The following DAB1 variants were observed in gnomAD, a reference collection of about 807,000 sequenced individuals.
DAB1 encodes DAB adaptor protein 1.
DAB1 carries 15 observed loss-of-function variants against 64.6 expected under a neutral mutation model. The ratio of observed to expected loss-of-function variants is 0.23; its 90% confidence interval spans 0.16 to 0.36. DAB1 has a LOEUF of 0.36. Among genes scored for constraint, DAB1 ranks in the 10% least tolerant of loss-of-function variants. The pLI is 1.00. For synonymous variants in DAB1, 235 were observed against 251.9 expected, an observed-to-expected ratio of 0.93 and a Z score of 0.64; for missense variants, 596 against 706.7, an observed-to-expected ratio of 0.84 and a Z score of 1.78.
At chr1:57,488,401 CAAAAAAA>C (rs11455708) in intron 7 of DAB1, among the ~76,000 whole-genome samples, 2 of 74,128 alleles carry the variant, frequency 2.7e-5, no homozygotes, top group Admixed American at 1.6e-4. Flanking sequence ...GATTCCGTCT[CAAAAAAA>C]AAAAAAAAAA....
intron 5 of DAB1, among the ~76,000 whole-genome samples, chr1:57,963,985 T>C (rs1645591120): frequency 6.6e-6 from 1 of 152,178 alleles, no homozygotes. Flanking sequence ...CCATTTGCCT[T>C]TCATTAGAAA....
intron 7 of DAB1, among the ~76,000 whole-genome samples, chr1:57,447,426 C>G (rs12140020): frequency 0.028 from 4,314 of 152,266 alleles, 70 homozygotes; most frequent in South Asian, 0.057. Context: ...TCTCTCTGGG[C>G]AGCTGTGTGG....
At chr1:57,450,752 T>G (rs975788882) in intron 7 of DAB1, among the ~76,000 whole-genome samples, 7 of 152,250 alleles carry the variant, frequency 4.6e-5, no homozygotes, top group African/African-American at 1.7e-4. Context: ...TCAAATGTGC[T>G]AATTTCACTC....
intron 5 of DAB1, among the ~76,000 whole-genome samples, chr1:57,911,040 C>A (rs924789856): frequency 1.3e-5 from 2 of 152,172 alleles, no homozygotes; most frequent in African/African-American, 4.8e-5. Flanking sequence ...ATCATTCATC[C>A]ACCTGTCATC....
In DAB1 at chr1:57,062,976, C is replaced by T. The variant is rs777052990; in HGVS notation, c.664-33G>A. ...AAAATTAAATTCAGCACAGTCAAAA[C>T]ACTCTGGTACTCCAATTTCAAAGAA... On this transcript the variant is annotated intron_variant, in intron 8 of 14. Transcript: ENST00000371236. 5 of 1,582,058 alleles carry T rather than the reference C, an allele frequency of 3.2e-6. No homozygotes were observed. The East Asian group carries it at 8.9e-5, about 28-fold the overall frequency.
intron 6 of DAB1, among the ~76,000 whole-genome samples, chr1:57,750,071 G>A (rs866827218): frequency 6.6e-6 from 1 of 152,166 alleles, no homozygotes; most frequent in Non-Finnish European, 1.5e-5. Context: ...AGCAAGCCCT[G>A]TGCTGCCTAC....
At chr1:58,208,749 G>C (rs926197885) in intron 4 of DAB1, among the ~76,000 whole-genome samples, 11 of 152,144 alleles carry the variant, frequency 7.2e-5, no homozygotes, top group African/African-American at 2.7e-4. Flanking sequence ...TGCTACAAAC[G>C]TGCATGTGCA....
intron 7 of DAB1, among the ~76,000 whole-genome samples, chr1:57,597,708 C>G (rs951301107): frequency 6.6e-6 from 1 of 152,240 alleles, no homozygotes; most frequent in African/African-American, 2.4e-5. Context: ...TGGGTCCTCA[C>G]AGCTAATTTT....
In DAB1 at chr1:57,947,023, T is replaced by C. The variant is rs11810081; in HGVS notation, n.388-62861A>G. Among the ~76,000 whole-genome samples, 90 of 152,314 alleles carry C rather than the reference T, an allele frequency of 5.9e-4. 1 individual carries two copies. The highest frequency in any genetic ancestry group is 3.4e-3 in the Middle Eastern group (1 of 294). On this transcript the variant is annotated intron_variant and non_coding_transcript_variant, in intron 5 of 20. Coordinates refer to the DAB1 transcript ENST00000485760. ...AGTCATAGTCTTAGTATCATGGCAA[T>C]GCTGATTACTGAGCACCTTCCATGT...
intron 2 of DAB1, among the ~76,000 whole-genome samples, chr1:58,508,886 TC>T (rs1646030453): frequency 6.7e-6 from 1 of 149,686 alleles, no homozygotes; most frequent in Non-Finnish European, 1.5e-5. Context: ...TTCTAACATT[TC>T]TGAGGGCTGT....
intron 1 of DAB1, among the ~76,000 whole-genome samples, chr1:57,406,822 T>G (rs1027079144): frequency 6.6e-6 from 1 of 152,078 alleles, no homozygotes; most frequent in African/African-American, 2.4e-5. Context: ...CTTCACACCC[T>G]CCCAATTTAA....
intron 5 of DAB1, among the ~76,000 whole-genome samples, chr1:57,926,246 C>T (rs1644877750): frequency 1.3e-5 from 2 of 149,506 alleles, no homozygotes; most frequent in African/African-American, 4.9e-5. Flanking sequence ...TGGATTGTTT[C>T]CTGACGTCCA....
At chr1:57,089,466 G>A (rs549977025) in intron 4 of DAB1, among the ~76,000 whole-genome samples, 96 of 152,138 alleles carry the variant, frequency 6.3e-4, no homozygotes, top group African/African-American at 2.3e-3. Flanking sequence ...ACCCCTTATT[G>A]CAAAACAAAA....
intron 6 of DAB1, among the ~76,000 whole-genome samples, chr1:57,757,929 G>T (rs886287156): frequency 1.3e-5 from 2 of 152,002 alleles, no homozygotes; most frequent in Non-Finnish European, 2.9e-5. Context: ...CGATCCTTCT[G>T]CCTCAGCCTC....
intron 9 of DAB1, among the ~76,000 whole-genome samples, chr1:57,053,685 T>A (rs1649433600): frequency 1.1e-5 from 1 of 89,420 alleles, no homozygotes; most frequent in Non-Finnish European, 2.5e-5. Context: ...TATATATATA[T>A]ATATTTTTTT....
intron 2 of DAB1, among the ~76,000 whole-genome samples, chr1:57,167,315 T>C (rs1661291643): frequency 6.6e-6 from 1 of 152,180 alleles, no homozygotes; most frequent in Non-Finnish European, 1.5e-5. Context: ...TTTACTCCAA[T>C]AGTTCTTTCT....
At chr1:57,901,150 A>G (rs903505663) in intron 5 of DAB1, among the ~76,000 whole-genome samples, 1 of 152,170 alleles carries the variant, frequency 6.6e-6, no homozygotes, top group African/African-American at 2.4e-5. Flanking sequence ...AGTTGCAGCA[A>G]GTCTGTCCAG....
intron 5 of DAB1, among the ~76,000 whole-genome samples, chr1:57,917,636 T>G (rs577833124): frequency 1.2e-4 from 19 of 152,316 alleles, no homozygotes; most frequent in African/African-American, 4.3e-4. Context: ...TGTAGTTTCT[T>G]TTATGAAGAG....
chr1:57,174,969 A>G (rs1662144607), intron 2 of DAB1, among the ~76,000 whole-genome samples: 1 of 152,210 alleles, frequency 6.6e-6, no homozygotes, highest in African/African-American at 2.4e-5. Flanking sequence ...TTTAAAAATA[A>G]TTTTAAAAGG....
Sources: gnomAD v4.1 joint callset for allele counts (sites outside exome capture counted in the v4.1 genomes callset) on GRCh38, gnomAD v4.1.1 for gene constraint, MANE v1.5 for transcripts, NCBI Gene and HGNC (gene_info 2026-07-23, HGNC 2026-07-21) for gene names.